The following DENR variants were observed in gnomAD, a reference collection of about 807,000 sequenced individuals.
The protein encoded by DENR is density regulated re-initiation and release factor.
Under a neutral mutation model 30.6 loss-of-function variants are expected in DENR, and 6 were observed. The observed-to-expected ratio is 0.20, with a 90% CI of 0.11 to 0.39. The LOEUF (loss-of-function observed/expected upper bound fraction) is 0.39. Among genes scored for constraint, DENR ranks in the 10% least tolerant of loss-of-function variants. DENR has a pLI of 1.00. For missense variants in DENR, 141 were observed against 230.9 expected (o/e 0.61, Z 2.52); for synonymous variants, 78 against 72.1 (o/e 1.08, Z -0.41).
rs1271596531 is a variant in DENR at position 122,753,789 on chromosome 12, C to G, written c.88C>G (p.Arg30Gly). 3.1e-6 allele frequency: 5 copies of G among 1,613,620 alleles called. No individual in the cohort carries two copies. Among genetic ancestry groups the G allele is most frequent in the African/African-American group, 1.3e-5 (1 of 74,928 alleles). The change falls in exon 2 of 8, where the codon CGA (arginine) becomes GGA (glycine). Residue 30 changes from arginine (R) to glycine (G), a missense_variant. This residue lies in a region of DENR where 104 missense variants were observed against 138.3 expected (regional missense o/e 0.75). Coordinates refer to ENST00000280557, the MANE Select transcript of DENR (RefSeq NM_003677.5). ...CAAGTTAGATGCCGATTACCCACTT[C>G]GAGTCCTTTATTGTGGAGGCAAGTG... ...SAKLDADYPLRVLYCGVCSLP... is the reference protein window; with the variant it reads ...SAKLDADYPLGVLYCGVCSLP...
chr12:122,761,691 A>G (rs1032813707), intron 2 of DENR, among the ~76,000 whole-genome samples: 11 of 152,134 alleles, frequency 7.2e-5, no homozygotes, highest in Non-Finnish European at 1.6e-4. Context: ...GTGCATCTGT[A>G]GTCCCATTTA....
chr12:122,754,719 C>T (rs1360957125), intron 2 of DENR, among the ~76,000 whole-genome samples: 2 of 152,094 alleles, frequency 1.3e-5, no homozygotes, highest in Non-Finnish European at 2.9e-5. Context: ...GTTACTTTTG[C>T]ACCAACCTAA....
intron 2 of DENR, among the ~76,000 whole-genome samples, chr12:122,759,445 T>C (rs1439199011): frequency 6.6e-6 from 1 of 152,204 alleles, no homozygotes; most frequent in Non-Finnish European, 1.5e-5. Context: ...CCAGGCACAG[T>C]GGCTCACACC....
chr12:122,753,379 C>T (rs4759358), intron 1 of DENR, among the ~76,000 whole-genome samples: 1 of 152,176 alleles, frequency 6.6e-6, no homozygotes, highest in Non-Finnish European at 1.5e-5. Context: ...CACCCTCAGA[C>T]CTTTTTGCTC....
chr12:122,759,159 A>G (rs1416274313), intron 2 of DENR, among the ~76,000 whole-genome samples: 1 of 152,116 alleles, frequency 6.6e-6, no homozygotes, highest in African/African-American at 2.4e-5. Context: ...GCTTAATTAG[A>G]TTCAAGTTAA....
chr12:122,764,736 C>G (rs1878802131), intron 4 of DENR, among the ~76,000 whole-genome samples: 1 of 152,204 alleles, frequency 6.6e-6, no homozygotes, highest in Non-Finnish European at 1.5e-5. Flanking sequence ...AAAGCCTGGT[C>G]TGGGAACAGG....
intron 4 of DENR, among the ~76,000 whole-genome samples, chr12:122,764,594 C>T (rs1341028204): frequency 6.6e-6 from 1 of 151,982 alleles, no homozygotes; most frequent in Non-Finnish European, 1.5e-5. Context: ...AGGGAGACTC[C>T]GTCTCAAAAA....
intron 4 of DENR, among the ~76,000 whole-genome samples, chr12:122,764,189 T>C (rs1878782398): frequency 6.6e-6 from 1 of 152,040 alleles, no homozygotes; most frequent in South Asian, 2.1e-4. Flanking sequence ...GGGTAGGGCA[T>C]TGTGGGCTGT....
At chr12:122,760,682 G>T (rs1471381073) in intron 2 of DENR, among the ~76,000 whole-genome samples, 1 of 152,206 alleles carries the variant, frequency 6.6e-6, no homozygotes, top group Non-Finnish European at 1.5e-5. Flanking sequence ...AGTGAGCCGA[G>T]ATAGTGCTAC....
In DENR at chr12:122,769,514, C is replaced by CTCTCTCT. The variant is rs747239730; in HGVS notation, c.*437_*438insCTCTCTT. 63 of 653,050 alleles carry CTCTCTCT rather than the reference C, an allele frequency of 9.6e-5. No individual in the cohort carries two copies. In the African/African-American group the frequency reaches 1.2e-3, roughly 12 times the overall value. 40.5% of individuals were successfully genotyped at this position (653,050 alleles called of 1,614,324 possible). A position where few individuals can be genotyped will look rare whatever the true frequency, so the allele number is the denominator to read the frequency against. On this transcript the variant is annotated 3_prime_UTR_variant, in exon 8 of 8. Transcript: ENST00000280557. ...TGACTTTCTCTCTCTCTCTCTCTCTCTTTTTTTTTTTTGACAGAGTCTCGC... is the reference window on the plus strand; with the variant it reads ...TGACTTTCTCTCTCTCTCTCTCTCTCTCTCTCTTTTTTTTTTTTTGACAGAGTCTCGC...
chr12:122,761,676 G>A (rs555271163), intron 2 of DENR, among the ~76,000 whole-genome samples: 19 of 152,260 alleles, frequency 1.2e-4, no homozygotes, highest in African/African-American at 4.3e-4. Context: ...GCTGGGCATG[G>A]TGGTGTGCAT....
intron 1 of DENR, 29 bp from the exon 2 acceptor site, chr12:122,753,664 T>C: frequency 1.3e-6 from 2 of 1,540,380 alleles, no homozygotes; most frequent in Non-Finnish European, 1.8e-6. Context: ...TCTAAAATAG[T>C]GAGGGTGTGT....
In DENR at chr12:122,769,234, GTA is replaced by G. The variant is rs1878942100; in HGVS notation, c.*158_*159del. ...TATACACATGTATATATACATGTGT[GTA>G]TGTATACATGTATATATATATACAT... is the stretch of plus-strand genomic sequence containing the variant. On this transcript the variant is annotated 3_prime_UTR_variant, in exon 8 of 8. Coordinates refer to ENST00000280557, the MANE Select transcript of DENR (RefSeq NM_003677.5). 2.9e-6 allele frequency: 2 copies of G among 692,592 alleles called. No homozygotes were observed. Among genetic ancestry groups the G allele is most frequent in the Non-Finnish European group, 3.5e-6 (2 of 563,680 alleles). 42.9% of individuals were successfully genotyped at this position (692,592 alleles called of 1,614,324 possible).
Position 122,769,220 on chromosome 12 carries a change from A to G in DENR, c.*142A>G. The G allele has an allele frequency of 6.4e-6, 5 of 775,678 alleles. No homozygotes were observed. Among genetic ancestry groups the G allele is most frequent in the Non-Finnish European group, 8.0e-6 (5 of 628,376 alleles). 48.0% of individuals were successfully genotyped at this position (775,678 alleles called of 1,614,324 possible). On this transcript the variant is annotated 3_prime_UTR_variant, in exon 8 of 8. Coordinates refer to ENST00000280557, the MANE Select transcript of DENR (RefSeq NM_003677.5). Reference sequence around the variant, plus strand: ...TGTATGTATACACATATACACATGTATATATACATGTGTGTATGTATACAT... The same window carrying G: ...TGTATGTATACACATATACACATGTGTATATACATGTGTGTATGTATACAT...
intron 2 of DENR, among the ~76,000 whole-genome samples, chr12:122,757,779 G>A (rs1236555042): frequency 6.6e-6 from 1 of 152,208 alleles, no homozygotes; most frequent in Non-Finnish European, 1.5e-5. Context: ...GGGAAGTGAT[G>A]TGATTGGTTA....
Position 122,770,799 on chromosome 12 carries a change from A to G in DENR, c.*1721A>G. On this transcript the variant is annotated 3_prime_UTR_variant, in exon 8 of 8. Coordinates refer to ENST00000280557, the MANE Select transcript of DENR (RefSeq NM_003677.5). Reference sequence around the variant, plus strand: ...GAAAAATGTGTAGTAAAGATGTAAAATTAAAAAATGGAATTCTCCATTAAC... The same window carrying G: ...GAAAAATGTGTAGTAAAGATGTAAAGTTAAAAAATGGAATTCTCCATTAAC... 2.5e-6 allele frequency: 1 copy of G among 398,308 alleles called. No homozygotes were observed. Among genetic ancestry groups the G allele is most frequent in the Non-Finnish European group, 4.4e-6 (1 of 225,954 alleles). 24.7% of individuals were successfully genotyped at this position (398,308 alleles called of 1,614,324 possible).
At position 122,763,150 on chromosome 12, in the gene DENR, C is replaced by A; in HGVS notation, c.211+221C>A. Reference sequence around the variant, plus strand: ...GGCGCAGTGGCTCACACCTATAATCCTAGCAGTTTGGGAGGCTGAGGCAGG... The same window carrying A: ...GGCGCAGTGGCTCACACCTATAATCATAGCAGTTTGGGAGGCTGAGGCAGG... On this transcript the variant is annotated intron_variant, in intron 4 of 7. Coordinates refer to ENST00000280557, the MANE Select transcript of DENR (RefSeq NM_003677.5). 4 of 375,342 alleles carry A rather than the reference C, an allele frequency of 1.1e-5. No homozygotes were observed. The South Asian group carries it at 1.3e-4, about 12-fold the overall frequency. 23.3% of individuals were successfully genotyped at this position (375,342 alleles called of 1,614,324 possible).
chr12:122,768,833 G>T lies in DENR; in HGVS notation c.464G>T (p.Gly155Val), dbSNP rs765130669. ...TTTTTTGCTCAAAAATTCTCCTGTG[G>T]TGCCTCAGTAACAGGGGAGGATGAA... Reference protein sequence around the residue: ...QRFFAQKFSCGASVTGEDEII... With the variant: ...QRFFAQKFSCVASVTGEDEII... Residue 155 changes from glycine to valine, a missense_variant, in exon 7 of 8, where the codon GGT (glycine) becomes GTT (valine). Coordinates refer to ENST00000280557, the MANE Select transcript of DENR (RefSeq NM_003677.5). 1 of 1,607,366 alleles carries T rather than the reference G, an allele frequency of 6.2e-7. No homozygotes were observed. Among genetic ancestry groups the T allele is most frequent in the Non-Finnish European group, 8.5e-7 (1 of 1,176,936 alleles).
intron 6 of DENR, among the ~76,000 whole-genome samples, chr12:122,768,369 A>G (rs1403948027): frequency 6.6e-6 from 1 of 152,128 alleles, no homozygotes; most frequent in Non-Finnish European, 1.5e-5. Flanking sequence ...ACGGTGGCAC[A>G]TGCCTGTAAT....
Sources: gnomAD v4.1 joint callset for allele counts (sites outside exome capture counted in the v4.1 genomes callset) on GRCh38, gnomAD v4.1.1 for gene constraint, gnomAD v4.1.1 regional missense constraint, MANE v1.5 for transcripts, NCBI Gene and HGNC (gene_info 2026-07-23, HGNC 2026-07-21) for gene names.